Variants in LAMP3 observed in about 807,000 individuals in gnomAD.
LAMP3 encodes the protein lysosome associated membrane protein 3.
LAMP3 carries 26 observed loss-of-function variants against 34.8 expected under a neutral mutation model. The observed-to-expected ratio is 0.75, with a 90% CI of 0.55 to 1.04. LAMP3 has a LOEUF of 1.04. LAMP3 is among the 50% of genes least tolerant of loss of function. The pLI, the probability that LAMP3 is intolerant of heterozygous loss-of-function variation, is 0.00. For missense variants in LAMP3, 495 were observed against 524.0 expected, an observed-to-expected ratio of 0.94 and a Z score of 0.54; for synonymous variants, 180 against 201.9, an observed-to-expected ratio of 0.89 and a Z score of 0.92.
At chr3:183,152,563 C>T in intron 2 of LAMP3, 60 bp from the exon 3 acceptor site, 1 of 1,482,440 alleles carries the variant, frequency 6.7e-7, no homozygotes, top group Non-Finnish European at 9.1e-7. Flanking sequence ...AGCTAGGGAA[C>T]CAGATGCACA....
chr3:183,128,148 A>AG (rs1719829817), intron 5 of LAMP3, among the ~76,000 whole-genome samples: 2 of 3,702 alleles, frequency 5.4e-4, no homozygotes, highest in South Asian at 0.012. Flanking sequence ...ACTCCATCTC[A>AG]AAAAAAAAAA....
At chr3:183,139,222 T>C (rs1197290584) in intron 4 of LAMP3, among the ~76,000 whole-genome samples, 2 of 151,972 alleles carry the variant, frequency 1.3e-5, no homozygotes, top group Non-Finnish European at 2.9e-5. Flanking sequence ...AAACCCCGTC[T>C]CTACTAAAAA....
At chr3:183,132,158 G>A (rs1196513570) in intron 5 of LAMP3, 11 of 985,174 alleles carry the variant, frequency 1.1e-5, no homozygotes, top group African/African-American at 1.7e-5. Flanking sequence ...CAACTGAAGG[G>A]CTAACATTTA....
intron 4 of LAMP3, among the ~76,000 whole-genome samples, chr3:183,136,969 C>A (rs1188535827): frequency 6.6e-6 from 1 of 151,416 alleles, no homozygotes; most frequent in Admixed American, 6.6e-5. Flanking sequence ...GATCATGCCA[C>A]CACACTCCAG....
At chr3:183,157,686 T>C (rs1720860320) in intron 1 of LAMP3, among the ~76,000 whole-genome samples, 2 of 152,066 alleles carry the variant, frequency 1.3e-5, no homozygotes, top group South Asian at 2.1e-4. Context: ...CTGGTGTTTA[T>C]AAGCTAAAGA....
intron 3 of LAMP3, among the ~76,000 whole-genome samples, chr3:183,150,347 A>G (rs545522063): frequency 6.6e-6 from 1 of 152,292 alleles, no homozygotes; most frequent in South Asian, 2.1e-4. Flanking sequence ...TAACATAAAG[A>G]GAGGTTGAAA....
At position 183,140,564 on chromosome 3, in the gene LAMP3, C is replaced by T. The variant is rs778955634; in HGVS notation, c.920G>A (p.Gly307Glu). 3.1e-6 allele frequency: 5 copies of T among 1,605,674 alleles called. No individual in the cohort carries two copies. Among genetic ancestry groups the T allele is most frequent in the Middle Eastern group, 3.3e-4 (2 of 6,056 alleles). The change falls in exon 4 of 6, where the codon GGA becomes GAA. Residue 307 changes from glycine (G) to glutamate (E), a missense_variant. Physicochemically the swap from Gly to Glu is moderately conservative, Grantham distance 98. Coordinates refer to ENST00000265598, the MANE Select transcript of LAMP3 (RefSeq NM_014398.4). ...DEESYYISEV[G>E]AYLTVSDPET... ...TGGATCTGAGACGGTCAAATAGGCT[C>T]CCACTTCACTGATATAATATGATTC...
intron 3 of LAMP3, among the ~76,000 whole-genome samples, chr3:183,150,127 G>A (rs1720584986): frequency 6.6e-6 from 1 of 152,160 alleles, no homozygotes; most frequent in African/African-American, 2.4e-5. Flanking sequence ...CCTGAAGCTG[G>A]GTGAATGGAG....
At chr3:183,133,168 A>G (rs1203863421) in intron 5 of LAMP3, among the ~76,000 whole-genome samples, 1 of 152,214 alleles carries the variant, frequency 6.6e-6, no homozygotes, top group East Asian at 1.9e-4. Context: ...GGAGCTTATT[A>G]AATTGCAGAT....
rs1720780637 is a variant in LAMP3, at chr3:183,154,891, A to C, written c.50-500T>G. On this transcript the variant is annotated intron_variant, in intron 1 of 5. Coordinates refer to ENST00000265598, the MANE Select transcript of LAMP3 (RefSeq NM_014398.4). ...TAATCCCAGGTTTGAAAGGGGTCTT[A>C]AAAGTCATCTAGTCCAAACTCCAAT... Among the ~76,000 whole-genome samples, 9 of 151,962 alleles carry C rather than the reference A, an allele frequency of 5.9e-5. No individual in the cohort carries two copies. The South Asian group carries it at 1.9e-3, about 32-fold the overall frequency.
chr3:183,160,166 A>C (rs1236434390), intron 1 of LAMP3, among the ~76,000 whole-genome samples: 1 of 152,176 alleles, frequency 6.6e-6, no homozygotes, highest in Non-Finnish European at 1.5e-5. Flanking sequence ...CCTAAACTTA[A>C]CTGACGTGAA....
Position 183,162,626 on chromosome 3 carries a change from C to T in LAMP3, c.30G>A (p.Ala10=). ...ACTCACCGGCCAGGGACGCGAAGAG[C>T]GCGGCCGCCGCGCTGAGCTGCCGGG... is the stretch of plus-strand genomic sequence containing the variant. MPRQLSAAA[A]LFASLAVILH... is the part of the protein sequence containing the mutation. The change falls in exon 1 of 6, where the codon GCG becomes GCA. Residue 10 remains alanine, a synonymous_variant. Coordinates refer to ENST00000265598, the MANE Select transcript of LAMP3 (RefSeq NM_014398.4). The T allele has an allele frequency of 6.5e-7, 1 of 1,544,256 alleles. No individual in the cohort carries two copies. The highest frequency in any genetic ancestry group is 8.7e-7 in the Non-Finnish European group (1 of 1,145,718).
At chr3:183,147,395 C>G (rs747472014) in intron 3 of LAMP3, among the ~76,000 whole-genome samples, 6 of 151,988 alleles carry the variant, frequency 3.9e-5, no homozygotes, top group Non-Finnish European at 5.9e-5. Context: ...GCAGAGCTAA[C>G]TCCTAGGGAG....
intron 5 of LAMP3, among the ~76,000 whole-genome samples, chr3:183,127,052 G>A (rs1028591291): frequency 6.6e-6 from 1 of 152,148 alleles, no homozygotes; most frequent in Non-Finnish European, 1.5e-5. Context: ...ACTAAACTTC[G>A]TTTCCAGTTT....
At chr3:183,161,121 ATAT>A (rs2108616911) in intron 1 of LAMP3, among the ~76,000 whole-genome samples, 1 of 152,196 alleles carries the variant, frequency 6.6e-6, no homozygotes, top group Admixed American at 6.5e-5. Flanking sequence ...CTAGCAGAGG[ATAT>A]TATTCTCCCC....
chr3:183,142,922 C>T (rs1375688915), intron 3 of LAMP3, among the ~76,000 whole-genome samples: 1 of 152,146 alleles, frequency 6.6e-6, no homozygotes, highest in Admixed American at 6.5e-5. Context: ...GGCAGGGCCA[C>T]TGCTGTTCCA....
intron 1 of LAMP3, among the ~76,000 whole-genome samples, chr3:183,159,425 C>G (rs559626434): frequency 6.6e-6 from 1 of 152,172 alleles, no homozygotes; most frequent in Non-Finnish European, 1.5e-5. Context: ...GGAGGGGAGA[C>G]CAGCAGGGAG....
chr3:183,148,731 C>T (rs1358007766), intron 3 of LAMP3, among the ~76,000 whole-genome samples: 1 of 152,192 alleles, frequency 6.6e-6, no homozygotes, highest in Non-Finnish European at 1.5e-5. Context: ...AGGGAACCCT[C>T]ATACACTGCT....
In LAMP3 at chr3:183,123,699, A is replaced by G. The variant is rs1719719540; in HGVS notation, c.*382T>C. ...ACAAAGCAAAGGCTTTGTTAAGATC[A>G]AGGGTAAAATAAAATCTTCAATGCA... On this transcript the variant is annotated 3_prime_UTR_variant, in exon 6 of 6. Coordinates refer to ENST00000265598, the MANE Select transcript of LAMP3 (RefSeq NM_014398.4). The G allele has an allele frequency of 5.3e-6, 1 of 187,472 alleles. No individual in the cohort carries two copies. Among genetic ancestry groups the G allele is most frequent in the South Asian group, 9.8e-5 (1 of 10,154 alleles). 11.6% of individuals were successfully genotyped at this position (187,472 alleles called of 1,614,324 possible).
Sources: gnomAD v4.1 joint callset for allele counts (sites outside exome capture counted in the v4.1 genomes callset) on GRCh38, gnomAD v4.1.1 for gene constraint, MANE v1.5 for transcripts, NCBI Gene and HGNC (gene_info 2026-07-23, HGNC 2026-07-21) for gene names.